SEPTIN7: variants seen among roughly 807,000 people sequenced by gnomAD.
SEPTIN7 encodes the protein septin-7.
SEPTIN7 carries 10 observed loss-of-function variants against 63.3 expected under a neutral mutation model. The ratio of observed to expected loss-of-function variants is 0.16; its 90% CI spans 0.10 to 0.27. The LOEUF is 0.27. SEPTIN7 is among the 10% of genes least tolerant of loss of function. The probability of loss-of-function intolerance (pLI) is 1.00; values close to 1 mark genes in which losing one functional copy is unlikely to be tolerated. For synonymous variants in SEPTIN7, 131 were observed against 165.3 expected (o/e 0.79, Z 1.59); for missense variants, 310 against 521.0 (o/e 0.59, Z 3.94).
At chr7:35,811,632 A>C (rs1389809893) in intron 1 of SEPTIN7, among the ~76,000 whole-genome samples, 2 of 152,142 alleles carry the variant, frequency 1.3e-5, no homozygotes, top group African/African-American at 4.8e-5. Context: ...CTCATCGGTA[A>C]ACCCAGCATT....
intron 6 of SEPTIN7, among the ~76,000 whole-genome samples, chr7:35,878,726 T>G (rs1408900426): frequency 6.6e-6 from 1 of 152,148 alleles, no homozygotes; most frequent in Non-Finnish European, 1.5e-5. Context: ...GTTTCACACT[T>G]GAGTAATGGG....
At chr7:35,815,085 A>G (rs1483748742) in intron 1 of SEPTIN7, 2 of 376,736 alleles carry the variant, frequency 5.3e-6, no homozygotes, top group South Asian at 1.9e-5. Flanking sequence ...TCAGTTGTCC[A>G]TTGATAGACC....
Position 35,905,408 on chromosome 7 carries a change from CT to C in SEPTIN7, c.*1119del, listed in dbSNP as rs768865470. On this transcript the variant is annotated 3_prime_UTR_variant, in exon 14 of 14. Coordinates refer to ENST00000350320, the MANE Select transcript of SEPTIN7 (RefSeq NM_001788.6). The stretch of plus-strand genomic sequence containing the variant: ...AAGTTTGCCTCCTCTACAATGACAT[CT>C]TTTATATGCTTGTCTCATTTAGAAT... 1 of 152,216 alleles carries C rather than the reference CT, an allele frequency of 6.6e-6. No individual in the cohort carries two copies. The highest frequency in any genetic ancestry group is 1.5e-5 in the Non-Finnish European group (1 of 68,020). The allele number at this position is 152,216 out of a possible 1,614,324, so 9.4% of individuals were successfully genotyped here.
chr7:35,852,936 T>C (rs1030932586), intron 3 of SEPTIN7, among the ~76,000 whole-genome samples: 3 of 152,158 alleles, frequency 2.0e-5, no homozygotes, highest in African/African-American at 7.2e-5. Flanking sequence ...TGTTCTTTTT[T>C]CCATCTTTCT....
At chr7:35,915,476 C>T in the SEPTIN7 span, among the ~76,000 whole-genome samples, 1 of 152,198 alleles carries the variant, frequency 6.6e-6, no homozygotes, top group Admixed American at 6.5e-5. Context: ...TGACCAATAT[C>T]CCCTGTGAAA....
At chr7:35,908,160 G>A (rs532068297), downstream of SEPTIN7, among the ~76,000 whole-genome samples, 6 of 152,172 alleles carry the variant, frequency 3.9e-5, no homozygotes, top group East Asian at 1.2e-3. Flanking sequence ...AAGTAATGCC[G>A]AGATGGTTTA....
chr7:35,913,475 CCCCTTCCTT>C, the SEPTIN7 span, among the ~76,000 whole-genome samples: 7 of 148,144 alleles, frequency 4.7e-5, no homozygotes, highest in East Asian at 2.0e-4. Flanking sequence ...TTTCTTTCTT[CCCCTTCCTT>C]CCCTTCCTTC....
intron 10 of SEPTIN7, chr7:35,888,823 CAAAAAAAAAAAA>C (rs70974780): frequency 3.2e-5 from 6 of 187,832 alleles, no homozygotes; most frequent in African/African-American, 2.5e-4. Flanking sequence ...GACCCTGTAT[CAAAAAAAAAAAA>C]AAAAAAAAAA....
intron 1 of SEPTIN7, among the ~76,000 whole-genome samples, chr7:35,803,299 A>G (rs1376022949): frequency 6.6e-6 from 1 of 152,208 alleles, no homozygotes; most frequent in East Asian, 1.9e-4. Context: ...AAGTAAATCC[A>G]TGCCAGAACT....
At chr7:35,830,325 G>A (rs1462991413) in intron 1 of SEPTIN7, among the ~76,000 whole-genome samples, 1 of 152,206 alleles carries the variant, frequency 6.6e-6, no homozygotes, top group Non-Finnish European at 1.5e-5. Context: ...TGTAGCAGGA[G>A]ATGAGGCCAG....
At chr7:35,809,387 G>T (rs1036528261) in intron 1 of SEPTIN7, among the ~76,000 whole-genome samples, 27 of 152,148 alleles carry the variant, frequency 1.8e-4, no homozygotes, top group Admixed American at 5.2e-4. Context: ...CATGATGCCT[G>T]GCATATAATA....
At chr7:35,912,217 G>A in the SEPTIN7 span, among the ~76,000 whole-genome samples, 7 of 152,166 alleles carry the variant, frequency 4.6e-5, no homozygotes, top group African/African-American at 1.4e-4. Context: ...TGGCCATAAC[G>A]CCCACGCTGG....
intron 3 of SEPTIN7, among the ~76,000 whole-genome samples, chr7:35,841,067 G>T (rs1300185477): frequency 6.6e-6 from 1 of 152,038 alleles, no homozygotes; most frequent in East Asian, 1.9e-4. Flanking sequence ...ACAGATTGCA[G>T]TCTATTAGCC....
rs1163717896 is a variant in SEPTIN7 at position 35,906,491 on chromosome 7, T to C, written c.*2198T>C. 6.6e-6 allele frequency: 1 copy of C among 152,268 alleles called. No homozygotes were observed. Among genetic ancestry groups the C allele is most frequent in the Non-Finnish European group, 1.5e-5 (1 of 68,056 alleles). The allele number at this position is 152,268 out of a possible 1,614,324, so 9.4% of individuals were successfully genotyped here. A position where few individuals can be genotyped will look rare whatever the true frequency, so the allele number is the denominator to read the frequency against. ...CTGTAGAAAGCAAAATGGCAGTGTC[T>C]GTTCTCCACTGTTGGAGGCATTATG... On this transcript the variant is annotated 3_prime_UTR_variant, in exon 14 of 14. Coordinates refer to ENST00000350320, the MANE Select transcript of SEPTIN7 (RefSeq NM_001788.6).
intron 4 of SEPTIN7, among the ~76,000 whole-genome samples, chr7:35,872,379 T>C (rs976004548): frequency 2.0e-5 from 3 of 152,202 alleles, no homozygotes; most frequent in Admixed American, 2.0e-4. Flanking sequence ...GTGATCACTA[T>C]TTTATCAGTT....
Position 35,801,201 on chromosome 7 carries a change from G to C in SEPTIN7, c.-9G>C. 1.3e-6 allele frequency: 2 copies of C among 1,505,080 alleles called. No homozygotes were observed. The highest frequency in any genetic ancestry group is 1.8e-6 in the Non-Finnish European group (2 of 1,125,474). 93.2% of individuals were successfully genotyped at this position (1,505,080 alleles called of 1,614,324 possible). ...CTCCGCTGGGGCTGGTCGCGGAGGG[G>C]GGGAGGGGATGTCGGTCAGTGCGAG... On this transcript the variant is annotated 5_prime_UTR_variant, in exon 1 of 14. Transcript: ENST00000350320.
chr7:35,812,471 T>C (rs1788792770), intron 1 of SEPTIN7, among the ~76,000 whole-genome samples: 1 of 152,152 alleles, frequency 6.6e-6, no homozygotes, highest in South Asian at 2.1e-4. Flanking sequence ...ATATATGATA[T>C]AAATGCACCA....
chr7:35,833,727 A>G (rs1475397298), intron 3 of SEPTIN7, among the ~76,000 whole-genome samples: 1 of 152,040 alleles, frequency 6.6e-6, no homozygotes, highest in Admixed American at 6.6e-5. Context: ...TAACAAAGAA[A>G]GTTGAGTTGA....
chr7:35,883,159 C>G (rs1179031143), intron 8 of SEPTIN7, among the ~76,000 whole-genome samples: 1 of 151,944 alleles, frequency 6.6e-6, no homozygotes, highest in Non-Finnish European at 1.5e-5. Context: ...CATACTGTAC[C>G]CCACAAATGT....
Sources: gnomAD v4.1 joint callset for allele counts (sites outside exome capture counted in the v4.1 genomes callset) on GRCh38, gnomAD v4.1.1 for gene constraint, MANE v1.5 for transcripts, NCBI Gene and HGNC (gene_info 2026-07-23, HGNC 2026-07-21) for gene names.